Variants in TTC28 observed in about 807,000 individuals in gnomAD.
The protein encoded by TTC28 is tetratricopeptide repeat protein 28.
Under a neutral mutation model 198.0 loss-of-function variants are expected in TTC28, and 61 were observed. The ratio of observed to expected loss-of-function variants is 0.31; its 90% CI spans 0.25 to 0.38. The LOEUF (loss-of-function observed/expected upper bound fraction) is 0.38. Ranked by LOEUF, TTC28 falls within the 10% of genes least tolerant of loss-of-function variation. The probability of loss-of-function intolerance (pLI) is 1.00; values close to 1 mark genes in which losing one functional copy is unlikely to be tolerated. For synonymous variants in TTC28, 1,171 were observed against 1,297.8 expected (o/e 0.90, Z 2.10); for missense variants, 2,678 against 3,164.0 (o/e 0.85, Z 3.69).
intron 2 of TTC28, among the ~76,000 whole-genome samples, chr22:28,554,368 A>G (rs891551896): frequency 3.0e-4 from 45 of 148,220 alleles, no homozygotes; most frequent in Non-Finnish European, 5.0e-4. Context: ...AAGAATGATC[A>G]ATTAAAAAAA....
intron 5 of TTC28, among the ~76,000 whole-genome samples, chr22:28,176,220 A>G (rs1454154693): frequency 6.6e-6 from 1 of 152,244 alleles, no homozygotes; most frequent in African/African-American, 2.4e-5. Context: ...ACAATGAAAT[A>G]TGATTCAATA....
chr22:28,333,975 A>T (rs1169455792), intron 2 of TTC28, among the ~76,000 whole-genome samples: 1 of 151,376 alleles, frequency 6.6e-6, no homozygotes, highest in African/African-American at 2.4e-5. Context: ...AATATTAGGC[A>T]TATCTCCTAA....
At chr22:28,039,255 C>G (rs573129351) in intron 12 of TTC28, among the ~76,000 whole-genome samples, 212 of 152,136 alleles carry the variant, frequency 1.4e-3, no homozygotes, top group Admixed American at 2.4e-3. Context: ...CAATAGCAAA[C>G]ACTTGGAACC....
chr22:28,291,386 G>T (rs1444543869), intron 5 of TTC28, among the ~76,000 whole-genome samples: 1 of 151,986 alleles, frequency 6.6e-6, no homozygotes, highest in Non-Finnish European at 1.5e-5. Context: ...AAGAAAACAG[G>T]TTTAGAATAT....
chr22:28,627,633 C>T (rs553738225), intron 2 of TTC28, among the ~76,000 whole-genome samples: 11 of 151,874 alleles, frequency 7.2e-5, no homozygotes, highest in African/African-American at 2.4e-4. Context: ...GGTTTCACCA[C>T]GTTGGCCAGG....
At chr22:28,573,220 G>A (rs146635969) in intron 2 of TTC28, among the ~76,000 whole-genome samples, 2,089 of 152,050 alleles carry the variant, frequency 0.014, 63 homozygotes, top group African/African-American at 0.048. Context: ...ACTTTGGGAG[G>A]CTGAGGTGGG....
intron 2 of TTC28, among the ~76,000 whole-genome samples, chr22:28,470,724 G>A (rs901403517): frequency 1.3e-5 from 2 of 152,116 alleles, no homozygotes; most frequent in Non-Finnish European, 2.9e-5. Context: ...AGAAAAGTAC[G>A]TTTGTAAGAA....
chr22:28,538,808 T>C (rs1259877398), intron 2 of TTC28, among the ~76,000 whole-genome samples: 1 of 150,450 alleles, frequency 6.6e-6, no homozygotes, highest in Admixed American at 6.6e-5. Flanking sequence ...ATGATCCACC[T>C]GCCTCGGCCT....
Position 28,122,763 on chromosome 22 carries a change from T to C in TTC28, c.1442-14360A>G, listed in dbSNP as rs571480490. On this transcript the variant is annotated intron_variant, in intron 6 of 22. Coordinates refer to ENST00000397906, the MANE Select transcript of TTC28 (RefSeq NM_001145418.2). ...TCATTCGTTATAGATTTAAGGGATG[T>C]ATACAATCATTTTCTCAAAGTTTCT... Among the ~76,000 whole-genome samples the C allele has an allele frequency of 3.1e-4, 47 of 152,374 alleles. No homozygotes were observed. The South Asian group carries it at 9.3e-3, about 30-fold the overall frequency.
intron 2 of TTC28, among the ~76,000 whole-genome samples, chr22:28,310,135 A>ACAC (rs1569252488): frequency 1.4e-5 from 1 of 73,278 alleles, no homozygotes; most frequent in Non-Finnish European, 3.0e-5. Flanking sequence ...TGTGACACAT[A>ACAC]ACACACACAC....
intron 2 of TTC28, among the ~76,000 whole-genome samples, chr22:28,416,284 A>G (rs969545182): frequency 1.3e-5 from 2 of 152,190 alleles, no homozygotes; most frequent in African/African-American, 4.8e-5. Flanking sequence ...TTACCCTTTG[A>G]AAGATTTCCT....
chr22:28,151,296 A>G (rs975028571), intron 6 of TTC28, among the ~76,000 whole-genome samples: 1 of 152,206 alleles, frequency 6.6e-6, no homozygotes, highest in African/African-American at 2.4e-5. Flanking sequence ...CCAAGTGCCA[A>G]CTGCCAAGCT....
chr22:28,045,812 A>G, intron 12 of TTC28, among the ~76,000 whole-genome samples: 1 of 152,132 alleles, frequency 6.6e-6, no homozygotes, highest in East Asian at 1.9e-4. Flanking sequence ...AAAAATACAA[A>G]AATTAGCCGG....
intron 1 of TTC28, chr22:28,643,145 T>C (rs1217533082): frequency 1.3e-5 from 2 of 152,172 alleles, no homozygotes; most frequent in African/African-American, 4.8e-5. Flanking sequence ...GGTCACCATA[T>C]TGACGCTGAA....
intron 2 of TTC28, among the ~76,000 whole-genome samples, chr22:28,612,638 G>A (rs8136767): frequency 0.14 from 20,746 of 151,920 alleles, 1,658 homozygotes; most frequent in African/African-American, 0.2. Flanking sequence ...ACAGTCTCTC[G>A]GCCCATAGTG....
At chr22:28,070,523 T>C (rs1050011226) in intron 12 of TTC28, among the ~76,000 whole-genome samples, 10 of 152,184 alleles carry the variant, frequency 6.6e-5, no homozygotes, top group African/African-American at 1.7e-4. Context: ...GATCCACTCC[T>C]GTAATCTCAG....
intron 2 of TTC28, among the ~76,000 whole-genome samples, chr22:28,311,072 C>T (rs1377963543): frequency 6.6e-6 from 1 of 152,134 alleles, no homozygotes; most frequent in Non-Finnish European, 1.5e-5. Context: ...AGCCACCGTG[C>T]CTGGCCTACT....
intron 5 of TTC28, among the ~76,000 whole-genome samples, chr22:28,256,995 A>G (rs1340082212): frequency 6.6e-6 from 1 of 152,248 alleles, no homozygotes; most frequent in African/African-American, 2.4e-5. Flanking sequence ...AGCTATGATC[A>G]CACCACTATA....
intron 2 of TTC28, among the ~76,000 whole-genome samples, chr22:28,386,354 T>C (rs1013603810): frequency 2.1e-5 from 3 of 145,512 alleles, no homozygotes; most frequent in Admixed American, 2.0e-4. Context: ...TCTTCTCCAA[T>C]ACTTTCACAT....
Sources: allele counts gnomAD v4.1 joint callset (sites outside exome capture counted in the v4.1 genomes callset), GRCh38; gene constraint gnomAD v4.1.1; transcripts MANE v1.5; gene names NCBI Gene and HGNC (gene_info 2026-07-23, HGNC 2026-07-21).